The following TYW1B variants were observed in gnomAD, a reference collection of about 807,000 sequenced individuals.
TYW1B encodes S-adenosyl-L-methionine-dependent tRNA 4-demethylwyosine synthase TYW1B.
In TYW1B, 73 loss-of-function variants were observed where a neutral mutation model predicts 86.9. The ratio of observed to expected loss-of-function variants is 0.84; its 90% confidence interval spans 0.70 to 1.02. TYW1B has a LOEUF of 1.02. Ranked by LOEUF, TYW1B falls within the 50% of genes least tolerant of loss-of-function variation. TYW1B has a pLI of 0.00. For missense variants in TYW1B, 637 were observed against 827.4 expected (o/e 0.77, Z 2.82); for synonymous variants, 248 against 292.8 (o/e 0.85, Z 1.56).
chr7:72,613,496 C>T (rs1283217993), intron 13 of TYW1B, among the ~76,000 whole-genome samples: 1 of 150,310 alleles, frequency 6.7e-6, no homozygotes, highest in Admixed American at 6.6e-5. Context: ...CAACCTCCAC[C>T]TCCCGGGTTC....
chr7:72,828,048 T>C, intron 1 of TYW1B, 24 bp downstream of exon 1: 1 of 1,613,616 alleles, frequency 6.2e-7, no homozygotes, highest in African/African-American at 1.3e-5. Flanking sequence ...CGCCCCAGGG[T>C]CCTTGCCCGC....
intron 11 of TYW1B, among the ~76,000 whole-genome samples, chr7:72,691,563 A>C (rs1467480553): frequency 6.6e-6 from 1 of 152,180 alleles, no homozygotes; most frequent in South Asian, 2.1e-4. Context: ...CAAAGACAGG[A>C]AGTAAACTAT....
chr7:72,693,944 T>C (rs565949508), intron 11 of TYW1B, among the ~76,000 whole-genome samples: 1 of 151,660 alleles, frequency 6.6e-6, no homozygotes, highest in East Asian at 2.0e-4. Flanking sequence ...GCAAATACTA[T>C]GCCATTTTAT....
chr7:72,587,758 A>G (rs1811306716), intron 13 of TYW1B, among the ~76,000 whole-genome samples: 1 of 152,168 alleles, frequency 6.6e-6, no homozygotes, highest in South Asian at 2.1e-4. Context: ...CCCTAGCAAG[A>G]AGGAGGTTTG....
intron 5 of TYW1B, among the ~76,000 whole-genome samples, chr7:72,806,313 G>C (rs1788494145): frequency 6.7e-6 from 1 of 149,012 alleles, no homozygotes; most frequent in Non-Finnish European, 1.5e-5. Flanking sequence ...TCAGATCACT[G>C]TGACCTCCAC....
intron 11 of TYW1B, among the ~76,000 whole-genome samples, chr7:72,635,668 A>C (rs1173823439): frequency 6.6e-6 from 1 of 152,240 alleles, no homozygotes; most frequent in Non-Finnish European, 1.5e-5. Context: ...TTTTAGAATC[A>C]GCTTACTAAT....
At chr7:72,780,339 C>A (rs538950759) in intron 6 of TYW1B, among the ~76,000 whole-genome samples, 2 of 152,266 alleles carry the variant, frequency 1.3e-5, no homozygotes, top group Non-Finnish European at 2.9e-5. Context: ...CATTTGAATT[C>A]TCTGAAGCAA....
At chr7:72,637,547 AT>A (rs1812699954) in intron 11 of TYW1B, among the ~76,000 whole-genome samples, 1 of 152,092 alleles carries the variant, frequency 6.6e-6, no homozygotes, top group African/African-American at 2.4e-5. Flanking sequence ...CCAGGTAATC[AT>A]CAGTTTTGTA....
At chr7:72,592,648 T>C (rs1359807183) in intron 13 of TYW1B, among the ~76,000 whole-genome samples, 1 of 152,100 alleles carries the variant, frequency 6.6e-6, no homozygotes, top group African/African-American at 2.4e-5. Context: ...CTATCTACAA[T>C]AGATTCGCTT....
Position 72,694,701 on chromosome 7 carries a change from C to T in TYW1B, c.1492G>A (p.Ala498Thr), listed in dbSNP as rs1440595322. The T allele has an allele frequency of 1.2e-6, 2 of 1,611,586 alleles. No homozygotes were observed. Among genetic ancestry groups the T allele is most frequent in the Non-Finnish European group, 1.7e-6 (2 of 1,179,440 alleles). The change falls in exon 11 of 14, where the codon GCC (alanine) becomes ACC (threonine). Residue 498 changes from alanine to threonine, a missense_variant. Transcript: ENST00000620995. Reference protein sequence around the residue: ...FWQQFLDSLKALAVKQQRTVY... With the variant: ...FWQQFLDSLKTLAVKQQRTVY... ...ATAATTCTTACCTTGACTGCCAAGG[C>T]TTTTAAACTGTCAAGGAATTGCTGC...
intron 2 of TYW1B, among the ~76,000 whole-genome samples, chr7:72,824,799 A>C (rs1276978812): frequency 1.3e-5 from 2 of 152,040 alleles, no homozygotes; most frequent in Non-Finnish European, 2.9e-5. Context: ...AACAGGTAGC[A>C]TCTAGATATA....
chr7:72,577,632 G>A (rs535581777), intron 13 of TYW1B, among the ~76,000 whole-genome samples: 138 of 152,304 alleles, frequency 9.1e-4, no homozygotes, highest in Non-Finnish European at 1.6e-3. Flanking sequence ...ACTTGGTCAC[G>A]CAGGCCCTTC....
At chr7:72,718,044 C>T (rs1462151592) in intron 9 of TYW1B, among the ~76,000 whole-genome samples, 1 of 152,088 alleles carries the variant, frequency 6.6e-6, no homozygotes, top group Non-Finnish European at 1.5e-5. Flanking sequence ...GCACTATTCA[C>T]AATAGCTAAA....
chr7:72,693,970 A>AT (rs1243095798), intron 11 of TYW1B, among the ~76,000 whole-genome samples: 4 of 151,402 alleles, frequency 2.6e-5, no homozygotes, highest in African/African-American at 7.3e-5. Flanking sequence ...TTATTTATTT[A>AT]TTTTTTTTGA....
chr7:72,697,387 A>C (rs1242486433), intron 10 of TYW1B, among the ~76,000 whole-genome samples: 1 of 152,116 alleles, frequency 6.6e-6, no homozygotes, highest in Non-Finnish European at 1.5e-5. Context: ...AAGTCTACAG[A>C]TCTCTCGTCA....
chr7:72,691,548 T>A (rs1554450320), intron 11 of TYW1B, among the ~76,000 whole-genome samples: 1 of 152,202 alleles, frequency 6.6e-6, no homozygotes, highest in East Asian at 1.9e-4. Flanking sequence ...TTGGAACATT[T>A]TGACCAAAGA....
chr7:72,696,756 TTCACTTCTGTTAAAAG>T (rs1170699288), intron 10 of TYW1B, among the ~76,000 whole-genome samples: 5 of 152,138 alleles, frequency 3.3e-5, no homozygotes, highest in Non-Finnish European at 7.3e-5. Context: ...TAGACTTCTG[TTCACTTCTGTTAAAAG>T]TGGAGAGGCT....
At chr7:72,767,744 T>A (rs1273533725) in intron 7 of TYW1B, among the ~76,000 whole-genome samples, 1 of 152,226 alleles carries the variant, frequency 6.6e-6, no homozygotes, top group Non-Finnish European at 1.5e-5. Flanking sequence ...GCTTGCATAT[T>A]CACATTGCAG....
chr7:72,618,836 T>G (rs1364571384), intron 12 of TYW1B, among the ~76,000 whole-genome samples: 1 of 152,196 alleles, frequency 6.6e-6, no homozygotes. Flanking sequence ...GTTTGCAGGA[T>G]GGCAGTGTAA....
Sources: allele counts gnomAD v4.1 joint callset (sites outside exome capture counted in the v4.1 genomes callset), GRCh38; gene constraint gnomAD v4.1.1; transcripts MANE v1.5; gene names NCBI Gene and HGNC (gene_info 2026-07-23, HGNC 2026-07-21).